DSCAM: variants seen among roughly 807,000 people sequenced by gnomAD.
DSCAM encodes the protein cell adhesion molecule DSCAM.
DSCAM carries 47 observed loss-of-function variants against 217.7 expected under a neutral mutation model. That is an observed-to-expected ratio of 0.22 (90% CI 0.17 to 0.28). The LOEUF is 0.28. Ranked by LOEUF, DSCAM falls within the 10% of genes least tolerant of loss-of-function variation. The pLI is 1.00. For synonymous variants in DSCAM, 1,056 were observed against 1,015.3 expected, an observed-to-expected ratio of 1.04 and a Z score of -0.76; for missense variants, 2,080 against 2,618.3, an observed-to-expected ratio of 0.79 and a Z score of 4.49.
intron 19 of DSCAM, among the ~76,000 whole-genome samples, chr21:40,129,562 G>C (rs144079855): frequency 6.6e-6 from 1 of 152,276 alleles, no homozygotes; most frequent in Non-Finnish European, 1.5e-5. Flanking sequence ...ACCTAGTTTG[G>C]GATCCACTGC....
chr21:40,478,513 T>C (rs1322451808), intron 3 of DSCAM, among the ~76,000 whole-genome samples: 1 of 152,208 alleles, frequency 6.6e-6, no homozygotes, highest in Non-Finnish European at 1.5e-5. Flanking sequence ...AAAAGTTACA[T>C]TGTACTAAAA....
chr21:40,579,314 G>T (rs2076884322), intron 3 of DSCAM, among the ~76,000 whole-genome samples: 2 of 151,472 alleles, frequency 1.3e-5, no homozygotes, highest in Admixed American at 1.3e-4. Context: ...AGACACAGAA[G>T]AAAAAGAAGC....
chr21:40,214,360 G>T (rs1387786815), intron 11 of DSCAM, among the ~76,000 whole-genome samples: 1 of 152,134 alleles, frequency 6.6e-6, no homozygotes, highest in African/African-American at 2.4e-5. Context: ...GTGTGCATCT[G>T]GTATATTTTG....
intron 3 of DSCAM, among the ~76,000 whole-genome samples, chr21:40,444,635 T>C (rs1049846605): frequency 3.9e-5 from 6 of 152,214 alleles, no homozygotes; most frequent in Admixed American, 3.9e-4. Context: ...TAGCATAAAA[T>C]ATTTACAAAA....
chr21:40,834,427 AATAATAAT>A (rs1569060357), intron 1 of DSCAM, among the ~76,000 whole-genome samples: 5 of 17,120 alleles, frequency 2.9e-4, no homozygotes, highest in African/African-American at 9.8e-4. Flanking sequence ...ATAATAATAA[AATAATAAT>A]AATAATAATA....
chr21:40,732,906 G>T (rs2091027185), intron 1 of DSCAM, among the ~76,000 whole-genome samples: 2 of 152,168 alleles, frequency 1.3e-5, no homozygotes, highest in Admixed American at 6.5e-5. Flanking sequence ...GCTTTTCTAT[G>T]CTGGGTAAGA....
chr21:40,013,484 T>TG lies in DSCAM; in HGVS notation c.5687-99dup, dbSNP rs370019766. On this transcript the variant is annotated intron_variant, in intron 32 of 32. Coordinates refer to ENST00000400454, the MANE Select transcript of DSCAM (RefSeq NM_001389.5). ...CGGGAAGCCATGCGGGCTTTAGAGA[T>TG]GAGAATGCCGCTGCACACAGGTGCC... 7 of 846,254 alleles carry TG rather than the reference T, an allele frequency of 8.3e-6. No individual in the cohort carries two copies. In the African/African-American group the frequency reaches 1.0e-4, roughly 13 times the overall value. 52.4% of individuals were successfully genotyped at this position (846,254 alleles called of 1,614,324 possible). A position where few individuals can be genotyped will look rare whatever the true frequency, so the allele number is the denominator to read the frequency against.
At chr21:40,846,465 T>C (rs929240965) in intron 1 of DSCAM, among the ~76,000 whole-genome samples, 154 bp downstream of exon 1, 1 of 151,838 alleles carries the variant, frequency 6.6e-6, no homozygotes. Context: ...ATAAATATGA[T>C]ATTTAAAAAA....
At chr21:40,213,374 C>T (rs1601447008) in intron 11 of DSCAM, among the ~76,000 whole-genome samples, 1 of 152,234 alleles carries the variant, frequency 6.6e-6, no homozygotes, top group East Asian at 1.9e-4. Context: ...TCCCTGTGCA[C>T]ACATAGGTTT....
At chr21:40,320,023 G>A (rs1479887288) in intron 8 of DSCAM, among the ~76,000 whole-genome samples, 1 of 152,148 alleles carries the variant, frequency 6.6e-6, no homozygotes, top group African/African-American at 2.4e-5. Context: ...CACAGGGAGA[G>A]GAAGAAAGCA....
intron 3 of DSCAM, among the ~76,000 whole-genome samples, chr21:40,675,794 TAC>T (rs1383858763): frequency 3.3e-5 from 5 of 152,248 alleles, no homozygotes; most frequent in Non-Finnish European, 5.9e-5. Context: ...TCCTTGCTGT[TAC>T]ACAGAGTTTA....
chr21:40,802,036 A>G (rs1248051298), intron 1 of DSCAM, among the ~76,000 whole-genome samples: 1 of 152,204 alleles, frequency 6.6e-6, no homozygotes, highest in Non-Finnish European at 1.5e-5. Context: ...TGGAGTCACC[A>G]GTAGCATGCA....
chr21:40,035,863 A>C (rs2088611579), intron 32 of DSCAM, among the ~76,000 whole-genome samples: 1 of 146,668 alleles, frequency 6.8e-6, no homozygotes, highest in African/African-American at 2.7e-5. Context: ...TAAGAATCTC[A>C]CTCAAAACCG....
At chr21:40,201,171 T>G (rs551422888) in intron 11 of DSCAM, among the ~76,000 whole-genome samples, 1 of 152,278 alleles carries the variant, frequency 6.6e-6, no homozygotes, top group Non-Finnish European at 1.5e-5. Context: ...TGGCAGCTTT[T>G]CCAGGCCCTT....
At chr21:40,376,876 G>A (rs1048498556) in intron 3 of DSCAM, among the ~76,000 whole-genome samples, 5 of 151,876 alleles carry the variant, frequency 3.3e-5, no homozygotes, top group South Asian at 4.2e-4. Context: ...CTAACCTGAC[G>A]TTATGAGCTG....
chr21:40,342,417 A>C (rs998561473), intron 6 of DSCAM, among the ~76,000 whole-genome samples: 1 of 151,720 alleles, frequency 6.6e-6, no homozygotes, highest in Non-Finnish European at 1.5e-5. Context: ...CTATTCGCAA[A>C]TCATGAAGAA....
At chr21:40,649,644 C>T (rs1208080787) in intron 3 of DSCAM, among the ~76,000 whole-genome samples, 1 of 149,002 alleles carries the variant, frequency 6.7e-6, no homozygotes, top group African/African-American at 2.5e-5. Context: ...TGGAAAAAAA[C>T]ATGCCAAGGT....
intron 1 of DSCAM, among the ~76,000 whole-genome samples, chr21:40,790,739 C>CA (rs1440937829): frequency 6.6e-6 from 1 of 152,052 alleles, no homozygotes; most frequent in African/African-American, 2.4e-5. Context: ...CTATAGCATA[C>CA]AGCACAAAAA....
chr21:40,411,423 A>G lies in DSCAM; in HGVS notation c.509-42178T>C, dbSNP rs139528697. On this transcript the variant is annotated intron_variant, in intron 3 of 32. Coordinates refer to ENST00000400454, the MANE Select transcript of DSCAM (RefSeq NM_001389.5). ...AAACAAATAGCAAGACTGAAACCCA[A>G]CATTGTCAATAATCACACTGAATTT... Among the ~76,000 whole-genome samples the G allele has an allele frequency of 3.0e-3, 460 of 152,346 alleles. 4 individuals are homozygous for G. Among genetic ancestry groups the G allele is most frequent in the African/African-American group, 0.011 (445 of 41,580 alleles).
Sources: gnomAD v4.1 joint callset for allele counts (sites outside exome capture counted in the v4.1 genomes callset) on GRCh38, gnomAD v4.1.1 for gene constraint, MANE v1.5 for transcripts, NCBI Gene and HGNC (gene_info 2026-07-23, HGNC 2026-07-21) for gene names.